Variants in RBFOX1 observed in about 807,000 individuals in gnomAD.
RBFOX1 encodes RNA binding protein fox-1 homolog 1.
In RBFOX1, 8 loss-of-function variants were observed where a neutral mutation model predicts 57.7. The observed-to-expected ratio is 0.14, with a 90% confidence interval of 0.08 to 0.25. The LOEUF (loss-of-function observed/expected upper bound fraction) is 0.25, where lower values mean the gene tolerates loss of function less well. Among genes scored for constraint, RBFOX1 ranks in the 10% least tolerant of loss-of-function variants. The pLI is 1.00. For missense variants in RBFOX1, 611 were observed against 548.5 expected (o/e 1.11, Z -1.14); for synonymous variants, 326 against 222.4 (o/e 1.47, Z -4.15).
chr16:7,181,457 G>A (rs67316480), intron 4 of RBFOX1, among the ~76,000 whole-genome samples: 30 of 151,912 alleles, frequency 2.0e-4, no homozygotes, highest in Non-Finnish European at 7.4e-5. Context: ...AAGGCTAGTA[G>A]TAGAAAAGTA....
intron 1 of RBFOX1, among the ~76,000 whole-genome samples, chr16:5,412,402 C>G (rs755769542): frequency 2.0e-5 from 3 of 152,166 alleles, no homozygotes; most frequent in Non-Finnish European, 4.4e-5. Flanking sequence ...TCTTGTTATT[C>G]TGATATGATT....
Position 6,372,736 on chromosome 16 carries a change from AT to A in RBFOX1, c.-64+55680del, listed in dbSNP as rs542341945. On this transcript the variant is annotated intron_variant, in intron 2 of 15. Coordinates refer to ENST00000550418, the MANE Select transcript of RBFOX1 (RefSeq NM_018723.4). ...GGTGGAATGGAGATTGGGTGGAAGT[AT>A]AGTTGGATGGAAGGACAGTTGGTTA... 1.6e-4 allele frequency among the ~76,000 whole-genome samples: 24 copies of A among 150,688 alleles called. No individual in the cohort carries two copies. The South Asian group carries it at 4.9e-3, about 31-fold the overall frequency.
At chr16:5,998,535 T>C (rs1464931228) in intron 4 of RBFOX1, among the ~76,000 whole-genome samples, 1 of 152,126 alleles carries the variant, frequency 6.6e-6, no homozygotes, top group African/African-American at 2.4e-5. Context: ...TTGTTTTTCT[T>C]TGAGTGAAAT....
At chr16:5,557,466 T>C (rs1191306064) in intron 2 of RBFOX1, among the ~76,000 whole-genome samples, 1 of 151,974 alleles carries the variant, frequency 6.6e-6, no homozygotes, top group Non-Finnish European at 1.5e-5. Context: ...TACATTTTGA[T>C]GCATAATATG....
At chr16:5,555,970 G>A (rs887512520) in intron 2 of RBFOX1, among the ~76,000 whole-genome samples, 1 of 152,108 alleles carries the variant, frequency 6.6e-6, no homozygotes, top group Admixed American at 6.5e-5. Context: ...GCAGCGAGCT[G>A]AGGTCATGCC....
intron 1 of RBFOX1, among the ~76,000 whole-genome samples, chr16:6,241,381 G>A (rs534507083): frequency 6.6e-6 from 1 of 152,208 alleles, no homozygotes; most frequent in African/African-American, 2.4e-5. Context: ...ATTGAACATC[G>A]CATTACGAAC....
chr16:7,225,908 A>AAATAAATATATATG (rs1567789203), intron 4 of RBFOX1, among the ~76,000 whole-genome samples: 1 of 124,898 alleles, frequency 8.0e-6, no homozygotes, highest in Admixed American at 7.7e-5. Flanking sequence ...TATAATAAAT[A>AAATAAATATATATG]TATATATATA....
At chr16:7,479,831 C>T (rs2063517525) in intron 4 of RBFOX1, among the ~76,000 whole-genome samples, 1 of 152,132 alleles carries the variant, frequency 6.6e-6, no homozygotes, top group African/African-American at 2.4e-5. Context: ...AAGAGTCTTC[C>T]CCAGAACATC....
intron 1 of RBFOX1, among the ~76,000 whole-genome samples, chr16:5,436,045 C>G (rs1357302460): frequency 1.3e-5 from 2 of 152,158 alleles, no homozygotes; most frequent in Non-Finnish European, 2.9e-5. Flanking sequence ...AGGTGAGATA[C>G]AAACTAAAAC....
At chr16:6,888,712 G>T (rs185393835) in intron 3 of RBFOX1, among the ~76,000 whole-genome samples, 56 of 152,250 alleles carry the variant, frequency 3.7e-4, no homozygotes, top group Non-Finnish European at 7.8e-4. Context: ...TGGGGGAAGG[G>T]AGACCATTGT....
At chr16:6,882,189 C>G (rs1208786606) in intron 3 of RBFOX1, among the ~76,000 whole-genome samples, 1 of 152,028 alleles carries the variant, frequency 6.6e-6, no homozygotes, top group East Asian at 1.9e-4. Context: ...TCTTCCTGGC[C>G]CCTTTGGTCC....
chr16:7,090,949 G>A (rs2060741192), intron 4 of RBFOX1, among the ~76,000 whole-genome samples: 1 of 152,186 alleles, frequency 6.6e-6, no homozygotes. Context: ...CAGGATTAGA[G>A]GTTCTTTGGA....
At chr16:6,025,059 T>G (rs1309216466) in intron 1 of RBFOX1, among the ~76,000 whole-genome samples, 1 of 152,222 alleles carries the variant, frequency 6.6e-6, no homozygotes, top group East Asian at 1.9e-4. Flanking sequence ...CTGGCTGTTA[T>G]TCTAATGGGA....
At chr16:5,520,759 G>A (rs961801092) in intron 2 of RBFOX1, among the ~76,000 whole-genome samples, 1 of 152,216 alleles carries the variant, frequency 6.6e-6, no homozygotes, top group African/African-American at 2.4e-5. Flanking sequence ...CTTAGGCTGT[G>A]TAATTTTGTC....
At chr16:6,686,300 C>G (rs1371289301) in intron 3 of RBFOX1, among the ~76,000 whole-genome samples, 2 of 152,208 alleles carry the variant, frequency 1.3e-5, no homozygotes, top group African/African-American at 4.8e-5. Context: ...TTCATGGGAA[C>G]TTCACAGATT....
intron 3 of RBFOX1, among the ~76,000 whole-genome samples, chr16:6,679,685 T>C (rs1298305089): frequency 3.9e-5 from 6 of 152,176 alleles, no homozygotes; most frequent in African/African-American, 1.2e-4. Flanking sequence ...TAGTCTAAAC[T>C]AACCACCACA....
intron 3 of RBFOX1, among the ~76,000 whole-genome samples, chr16:5,828,604 C>A (rs1359537906): frequency 6.6e-6 from 1 of 151,988 alleles, no homozygotes. Flanking sequence ...GAGGCCGAGG[C>A]AGGAGGATCG....
chr16:7,343,610 A>G (rs776927538), intron 4 of RBFOX1, among the ~76,000 whole-genome samples: 5 of 152,136 alleles, frequency 3.3e-5, no homozygotes, highest in Admixed American at 3.3e-4. Context: ...GTTTTTAGGC[A>G]TTTACTATAT....
At chr16:6,200,089 T>C (rs1206771180) in intron 1 of RBFOX1, among the ~76,000 whole-genome samples, 1 of 152,166 alleles carries the variant, frequency 6.6e-6, no homozygotes, top group Non-Finnish European at 1.5e-5. Flanking sequence ...AGTAAGCTTC[T>C]GCAAGGACCC....
Sources: allele counts gnomAD v4.1 joint callset (sites outside exome capture counted in the v4.1 genomes callset), GRCh38; gene constraint gnomAD v4.1.1; transcripts MANE v1.5; gene names NCBI Gene and HGNC (gene_info 2026-07-23, HGNC 2026-07-21).